Variants in RIOK1 observed in about 807,000 individuals in gnomAD.
RIOK1 encodes the protein serine/threonine-protein kinase RIO1.
In RIOK1, 66 loss-of-function variants were observed where a neutral mutation model predicts 73.5. The ratio of observed to expected loss-of-function variants is 0.90; its 90% CI spans 0.74 to 1.10. The LOEUF is 1.10. Ranked by LOEUF, RIOK1 falls within the 50% of genes least tolerant of loss-of-function variation. RIOK1 has a pLI of 0.00. For missense variants in RIOK1, 658 were observed against 699.8 expected, an observed-to-expected ratio of 0.94 and a Z score of 0.67; for synonymous variants, 224 against 226.8, an observed-to-expected ratio of 0.99 and a Z score of 0.11.
At chr6:7,405,078 C>T (rs995104467) in intron 11 of RIOK1, 57 bp downstream of exon 11, 3 of 1,436,452 alleles carry the variant, frequency 2.1e-6, no homozygotes, top group Non-Finnish European at 2.9e-6. Context: ...GTTTTGTACT[C>T]AGTTAAGCTG....
rs1414405238 is a variant in RIOK1 at position 7,405,987 on chromosome 6, TTTTC to T, written c.1203+644_1203+647del. Among the ~76,000 whole-genome samples, 24 of 151,608 alleles carry T rather than the reference TTTTC, an allele frequency of 1.6e-4. 1 individual carries two copies. Among genetic ancestry groups the T allele is most frequent in the African/African-American group, 1.5e-4 (6 of 41,318 alleles). ...TTCTTTTCTTTCTTTTTCTTTTTTCTTTTCTTTCTTTCTTTTTTTTTCTTTTTTG... is the reference window on the plus strand; with the variant it reads ...TTCTTTTCTTTCTTTTTCTTTTTTCTTTTCTTTCTTTTTTTTTCTTTTTTG... On this transcript the variant is annotated intron_variant, in intron 12 of 16. Coordinates refer to ENST00000379834, the MANE Select transcript of RIOK1 (RefSeq NM_031480.3).
chr6:7,410,670 T>G (rs1230610603), intron 13 of RIOK1, among the ~76,000 whole-genome samples: 1 of 152,222 alleles, frequency 6.6e-6, no homozygotes, highest in Admixed American at 6.5e-5. Flanking sequence ...TGTTAGCCCA[T>G]TGTCCTAGAT....
At chr6:7,409,455 T>C (rs1274668577) in intron 12 of RIOK1, among the ~76,000 whole-genome samples, 3 of 152,006 alleles carry the variant, frequency 2.0e-5, no homozygotes, top group East Asian at 3.9e-4. Context: ...GTTTTCACCA[T>C]GTTGACTAGG....
chr6:7,410,498 G>C (rs1258994013), intron 13 of RIOK1, 47 bp downstream of exon 13: 1 of 1,343,932 alleles, frequency 7.4e-7, no homozygotes, highest in Middle Eastern at 1.9e-4. Context: ...CTTGTGTTTT[G>C]AGGGTTTTTT....
chr6:7,408,313 AG>A (rs1228349802), intron 12 of RIOK1, among the ~76,000 whole-genome samples: 1 of 152,256 alleles, frequency 6.6e-6, no homozygotes, highest in Non-Finnish European at 1.5e-5. Context: ...CTGGGATTAC[AG>A]GCATAAGTCG....
Position 7,398,755 on chromosome 6 carries a change from T to G in RIOK1, c.480+15T>G. 6.3e-7 allele frequency: 1 copy of G among 1,595,338 alleles called. No homozygotes were observed. Among genetic ancestry groups the G allele is most frequent in the Middle Eastern group, 1.7e-4 (1 of 6,026 alleles). The stretch of plus-strand genomic sequence containing the variant: ...CTGTAGAACAGGTACAATTTAAATG[T>G]GTTGCAAACTCTTCTTTTTAATTAG... On this transcript the variant is annotated intron_variant, in intron 5 of 16. Transcript: ENST00000379834.
At chr6:7,397,617 C>T (rs908603361) in intron 4 of RIOK1, among the ~76,000 whole-genome samples, 3 of 152,204 alleles carry the variant, frequency 2.0e-5, no homozygotes, top group African/African-American at 4.8e-5. Flanking sequence ...GATCATACAA[C>T]TAACTGTGAG....
chr6:7,410,129 C>T (rs1348878367), intron 12 of RIOK1, among the ~76,000 whole-genome samples: 1 of 152,078 alleles, frequency 6.6e-6, no homozygotes, highest in Non-Finnish European at 1.5e-5. Context: ...AGTAGCATAA[C>T]TTTTGAAAAA....
intron 3 of RIOK1, among the ~76,000 whole-genome samples, chr6:7,395,447 A>G (rs1375605878): frequency 6.7e-6 from 1 of 148,476 alleles, no homozygotes; most frequent in Non-Finnish European, 1.5e-5. Flanking sequence ...TGGGAGGTGG[A>G]GGTTGTGATG....
chr6:7,411,647 A>G (rs1484755865), intron 14 of RIOK1, 196 bp downstream of exon 14: 1 of 520,812 alleles, frequency 1.9e-6, no homozygotes, highest in African/African-American at 1.9e-5. Context: ...GAGAGGAGGT[A>G]ACACATTTGA....
intron 4 of RIOK1, among the ~76,000 whole-genome samples, chr6:7,397,539 C>A (rs956509941): frequency 1.3e-5 from 2 of 152,120 alleles, no homozygotes; most frequent in Non-Finnish European, 1.5e-5. Context: ...TGTTTAAGAT[C>A]TGAATAACTT....
rs1416082863 is a variant in RIOK1, at chr6:7,390,030, C to T, written c.28C>T (p.Arg10Trp). MDYRRLLMS[R>W]VVPGQFDDAD... The stretch of plus-strand genomic sequence containing the variant: ...GGACTACCGGCGGCTTCTCATGAGC[C>T]GGGTGGTCCCCGGGCAATTCGACGA... The change falls in exon 1 of 17, where the codon CGG (arginine) becomes TGG (tryptophan). Residue 10 changes from arginine to tryptophan, a missense_variant. Arg to Trp is a moderately radical substitution (Grantham distance 101, BLOSUM62 -3). Coordinates refer to ENST00000379834, the MANE Select transcript of RIOK1 (RefSeq NM_031480.3). 4.5e-6 allele frequency: 7 copies of T among 1,556,882 alleles called. No individual in the cohort carries two copies. The highest frequency in any genetic ancestry group is 1.9e-5 in the Admixed American group (1 of 52,598).
chr6:7,412,922 G>C lies in RIOK1; in HGVS notation c.1423G>C (p.Asp475His), dbSNP rs1761921707. 4 of 1,558,380 alleles carry C rather than the reference G, an allele frequency of 2.6e-6. No individual in the cohort carries two copies. The highest frequency in any genetic ancestry group is 3.5e-6 in the Non-Finnish European group (4 of 1,156,532). Reference protein sequence around the residue: ...LYQTVTGLKKDLSGVQKVPAL... With the variant: ...LYQTVTGLKKHLSGVQKVPAL... ...CCAGACTGTTACAGGATTGAAGAAA[G>C]ATTTGTCAGGAGTTCAGAAGGTATG... Residue 475 changes from aspartate (D) to histidine (H), a missense_variant, in exon 15 of 17, where the codon GAT becomes CAT. Asp to His is a moderately conservative substitution (Grantham distance 81). Coordinates refer to ENST00000379834, the MANE Select transcript of RIOK1 (RefSeq NM_031480.3).
rs756654279 is a variant in RIOK1, at chr6:7,411,419, G to T, written c.1357G>T (p.Glu453Ter). The T allele has an allele frequency of 3.7e-6, 6 of 1,613,982 alleles. No individual in the cohort carries two copies. In the South Asian group the frequency reaches 6.6e-5, roughly 18 times the overall value. Residue 453 changes from glutamate to a stop codon, truncating the protein, a stop_gained, in exon 14 of 17, where the codon GAG (glutamate) becomes TAG (stop). Transcript: ENST00000379834. LOFTEE classifies it high-confidence loss of function. ...GGACATAATTATGAAATTGAAGGAA[G>T]AGGACATGGCCATGAATGCCCAACA... ...DMDIIMKLKEEDMAMNAQQDN... is the reference protein window; with the variant it reads ...DMDIIMKLKE
intron 6 of RIOK1, 133 bp from the exon 7 acceptor site, chr6:7,402,470 A>G: frequency 5.0e-6 from 3 of 600,394 alleles, no homozygotes; most frequent in Non-Finnish European, 8.6e-6. Context: ...TTTAATTCAC[A>G]TATTCAAAAG....
At chr6:7,410,783 T>C (rs1172162351) in intron 13 of RIOK1, among the ~76,000 whole-genome samples, 1 of 152,204 alleles carries the variant, frequency 6.6e-6, no homozygotes, top group African/African-American at 2.4e-5. Flanking sequence ...ATATTGATTC[T>C]AGAAATGTTA....
chr6:7,400,524 T>A (rs1761585980), intron 5 of RIOK1, among the ~76,000 whole-genome samples: 1 of 152,200 alleles, frequency 6.6e-6, no homozygotes, highest in African/African-American at 2.4e-5. Context: ...ACTGATGACT[T>A]TTTATATTGA....
intron 5 of RIOK1, among the ~76,000 whole-genome samples, chr6:7,399,348 A>G (rs1215740912): frequency 1.3e-5 from 2 of 152,008 alleles, no homozygotes; most frequent in Non-Finnish European, 2.9e-5. Flanking sequence ...ACACAAGCAC[A>G]TGTTCTGAAT....
chr6:7,412,672 A>G (rs1374064582), intron 14 of RIOK1, among the ~76,000 whole-genome samples: 1 of 151,336 alleles, frequency 6.6e-6, no homozygotes, highest in Non-Finnish European at 1.5e-5. Flanking sequence ...AAAAACAACT[A>G]CCAGGTGGCT....
Sources: allele counts gnomAD v4.1 joint callset (sites outside exome capture counted in the v4.1 genomes callset), GRCh38; gene constraint gnomAD v4.1.1; transcripts MANE v1.5; gene names NCBI Gene and HGNC (gene_info 2026-07-23, HGNC 2026-07-21).